The following BBX variants were observed in gnomAD, a reference collection of about 807,000 sequenced individuals.
BBX encodes HMG box transcription factor BBX.
A neutral mutation model predicts 100.2 loss-of-function variants in BBX; 30 were observed. The ratio of observed to expected loss-of-function variants is 0.30; its 90% CI spans 0.22 to 0.41. BBX has a LOEUF of 0.41. Among genes scored for constraint, BBX ranks in the 10% least tolerant of loss-of-function variants. The probability of loss-of-function intolerance (pLI) is 1.00; values close to 1 mark genes in which losing one functional copy is unlikely to be tolerated. For synonymous variants in BBX, 376 were observed against 388.1 expected (o/e 0.97, Z 0.37); for missense variants, 1,023 against 1,129.8 (o/e 0.91, Z 1.35).
chr3:107,597,874 C>T (rs143615525), intron 2 of BBX, among the ~76,000 whole-genome samples: 1,558 of 152,056 alleles, frequency 0.01, 30 homozygotes, highest in African/African-American at 0.035. Context: ...TTTTTGGTCC[C>T]CTACCCCAAG....
chr3:107,779,078 GTA>G (rs1399433388), intron 13 of BBX, among the ~76,000 whole-genome samples: 1 of 142,522 alleles, frequency 7.0e-6, no homozygotes, highest in Non-Finnish European at 1.5e-5. Context: ...GCTTTGTTTA[GTA>G]TATTCATTTT....
At chr3:107,785,716 T>C (rs1460083876) in intron 13 of BBX, among the ~76,000 whole-genome samples, 1 of 151,940 alleles carries the variant, frequency 6.6e-6, no homozygotes, top group East Asian at 1.9e-4. Flanking sequence ...AATACACAGC[T>C]AACATGATAC....
chr3:107,705,316 G>A (rs2061332000), intron 3 of BBX, among the ~76,000 whole-genome samples: 1 of 152,122 alleles, frequency 6.6e-6, no homozygotes, highest in Admixed American at 6.5e-5. Context: ...TAATGACCAG[G>A]ATTTGAGTGG....
intron 3 of BBX, chr3:107,677,620 G>A (rs765503341): frequency 1.3e-5 from 2 of 152,102 alleles, no homozygotes; most frequent in Admixed American, 6.5e-5. Context: ...TTTTATGATA[G>A]TGTTGCATAT....
chr3:107,795,500 C>T (rs148474910), intron 15 of BBX, among the ~76,000 whole-genome samples: 48 of 151,996 alleles, frequency 3.2e-4, no homozygotes, highest in African/African-American at 1.2e-3. Context: ...TGCAAATGTG[C>T]ATCATCTGCA....
At chr3:107,713,967 CTTTTTTTTTTT>C (rs569427270) in intron 4 of BBX, among the ~76,000 whole-genome samples, 1 of 82,320 alleles carries the variant, frequency 1.2e-5, no homozygotes, top group Non-Finnish European at 2.6e-5. Flanking sequence ...TAATTTTTTT[CTTTTTTTTTTT>C]TTTTTTTTTT....
chr3:107,692,199 T>TTTA (rs977025090), intron 3 of BBX, among the ~76,000 whole-genome samples: 7 of 150,246 alleles, frequency 4.7e-5, no homozygotes, highest in Non-Finnish European at 1.0e-4. Flanking sequence ...TATTTATTTA[T>TTTA]TTATTATTAT....
At chr3:107,553,219 A>G (rs550141559) in intron 2 of BBX, among the ~76,000 whole-genome samples, 1 of 152,354 alleles carries the variant, frequency 6.6e-6, no homozygotes, top group South Asian at 2.1e-4. Flanking sequence ...ACTACTGATT[A>G]TGGAACATTA....
At chr3:107,800,369 A>G (rs2070306063) in intron 16 of BBX, among the ~76,000 whole-genome samples, 1 of 152,202 alleles carries the variant, frequency 6.6e-6, no homozygotes, top group African/African-American at 2.4e-5. Flanking sequence ...AAAGTGTCAT[A>G]CCACTTTTGT....
At chr3:107,656,742 ACTAATTATCATG>A (rs1196982820) in intron 3 of BBX, among the ~76,000 whole-genome samples, 1 of 152,212 alleles carries the variant, frequency 6.6e-6, no homozygotes, top group African/African-American at 2.4e-5. Context: ...ACAAATATTT[ACTAATTATCATG>A]TGCAAGGCAG....
chr3:107,727,410 A>ACCT (rs1341956132), intron 5 of BBX, among the ~76,000 whole-genome samples: 2 of 151,906 alleles, frequency 1.3e-5, no homozygotes, highest in Non-Finnish European at 2.9e-5. Context: ...CACAGTTGAT[A>ACCT]CCTCCTAACA....
At chr3:107,753,130 A>G (rs1170083791) in intron 9 of BBX, among the ~76,000 whole-genome samples, 1 of 152,206 alleles carries the variant, frequency 6.6e-6, no homozygotes, top group Non-Finnish European at 1.5e-5. Context: ...CCTGAGACAT[A>G]GGAGGAAAGC....
chr3:107,655,954 C>A (rs973749592), intron 3 of BBX, among the ~76,000 whole-genome samples: 1 of 152,038 alleles, frequency 6.6e-6, no homozygotes, highest in East Asian at 1.9e-4. Flanking sequence ...CCCATCTTGG[C>A]CTTCCAAAGT....
At chr3:107,566,175 CAAAAAAAAAAAAAA>C (rs754905445) in intron 2 of BBX, among the ~76,000 whole-genome samples, 10 of 53,060 alleles carry the variant, frequency 1.9e-4, no homozygotes, top group Admixed American at 5.2e-4. Context: ...AACTCTGTCT[CAAAAAAAAAAAAAA>C]AAAAAAAAAA....
chr3:107,671,023 C>T (rs1248265016), intron 3 of BBX, among the ~76,000 whole-genome samples: 7 of 151,722 alleles, frequency 4.6e-5, no homozygotes, highest in Non-Finnish European at 8.8e-5. Context: ...GATCAGATTG[C>T]TGTTTTATCC....
intron 13 of BBX, among the ~76,000 whole-genome samples, chr3:107,779,628 CT>C (rs1366491568): frequency 1.3e-5 from 2 of 152,062 alleles, no homozygotes; most frequent in Non-Finnish European, 2.9e-5. Flanking sequence ...TAATTCCACT[CT>C]TTTGTATTTT....
At chr3:107,526,852 T>C (rs1007451363) in intron 2 of BBX, 1 of 152,378 alleles carries the variant, frequency 6.6e-6, no homozygotes. Flanking sequence ...TTGAGTAACC[T>C]GTGGTGTTTG....
chr3:107,564,796 C>T (rs1430600800), intron 2 of BBX, among the ~76,000 whole-genome samples: 1 of 152,160 alleles, frequency 6.6e-6, no homozygotes, highest in Non-Finnish European at 1.5e-5. Context: ...AGCAAATTCT[C>T]TTATTTCTTT....
intron 3 of BBX, among the ~76,000 whole-genome samples, chr3:107,667,045 G>A (rs1264565306): frequency 1.3e-5 from 2 of 152,196 alleles, no homozygotes; most frequent in Non-Finnish European, 2.9e-5. Flanking sequence ...AAACTGTTAA[G>A]GAAACGTATT....
Sources: gnomAD v4.1 joint callset for allele counts (sites outside exome capture counted in the v4.1 genomes callset) on GRCh38, gnomAD v4.1.1 for gene constraint, MANE v1.5 for transcripts, NCBI Gene and HGNC (gene_info 2026-07-23, HGNC 2026-07-21) for gene names.